Variants in CNTN3 observed in about 807,000 individuals in gnomAD.
CNTN3 encodes contactin-3.
CNTN3 carries 60 observed loss-of-function variants against 119.1 expected under a neutral mutation model. The ratio of observed to expected loss-of-function variants is 0.50; its 90% CI spans 0.41 to 0.62. CNTN3 has a LOEUF of 0.62. Ranked by LOEUF, CNTN3 falls within the 20% of genes least tolerant of loss-of-function variation. The probability of loss-of-function intolerance (pLI) is 0.00; values close to 1 mark genes in which losing one functional copy is unlikely to be tolerated. For synonymous variants in CNTN3, 450 were observed against 438.7 expected, an observed-to-expected ratio of 1.03 and a Z score of -0.32; for missense variants, 1,101 against 1,242.4, an observed-to-expected ratio of 0.89 and a Z score of 1.71.
At chr3:74,437,616 C>A (rs1701890931) in intron 4 of CNTN3, among the ~76,000 whole-genome samples, 1 of 152,066 alleles carries the variant, frequency 6.6e-6, no homozygotes, top group Admixed American at 6.5e-5. Context: ...AAAACACGAA[C>A]AATTACTACA....
chr3:74,581,200 ATAATGGGACTGTGTATT>A (rs1426225602), intron 1 of CNTN3, among the ~76,000 whole-genome samples: 1 of 152,208 alleles, frequency 6.6e-6, no homozygotes, highest in Non-Finnish European at 1.5e-5. Context: ...ACTGTCACAC[ATAATGGGACTGTGTATT>A]TAAAAAAAAC....
intron 1 of CNTN3, among the ~76,000 whole-genome samples, chr3:74,549,903 T>A (rs773961421): frequency 3.3e-5 from 5 of 152,204 alleles, no homozygotes; most frequent in Non-Finnish European, 7.3e-5. Context: ...AACAGGCACA[T>A]GCCATCTGCA....
chr3:74,520,513 TTTGTAA>T (rs1703525866), intron 2 of CNTN3, among the ~76,000 whole-genome samples: 1 of 151,414 alleles, frequency 6.6e-6, no homozygotes, highest in Non-Finnish European at 1.5e-5. Context: ...CAACAAATGA[TTTGTAA>T]TAGTTGCTTT....
intron 1 of CNTN3, among the ~76,000 whole-genome samples, chr3:74,586,902 C>T (rs6792306): frequency 0.15 from 22,571 of 151,718 alleles, 3,728 homozygotes; most frequent in African/African-American, 0.4. Flanking sequence ...TAGGGAACAC[C>T]GAGGTATCTG....
chr3:74,495,100 G>A (rs1274942046), intron 3 of CNTN3, among the ~76,000 whole-genome samples: 2 of 152,006 alleles, frequency 1.3e-5, no homozygotes, highest in Non-Finnish European at 2.9e-5. Context: ...ACTCTCAAAT[G>A]TGGCTGATTG....
chr3:74,431,175 C>T (rs1701777380), intron 4 of CNTN3, among the ~76,000 whole-genome samples: 1 of 152,182 alleles, frequency 6.6e-6, no homozygotes, highest in African/African-American at 2.4e-5. Flanking sequence ...AAGCTCTGCA[C>T]TTCAGGTTGA....
chr3:74,476,224 G>A (rs1447045904), intron 4 of CNTN3, among the ~76,000 whole-genome samples: 3 of 152,180 alleles, frequency 2.0e-5, no homozygotes, highest in Non-Finnish European at 4.4e-5. Context: ...AAAATGTTGA[G>A]AGGTGCACAG....
chr3:74,389,007 T>C (rs1704826800), intron 5 of CNTN3, among the ~76,000 whole-genome samples: 1 of 152,180 alleles, frequency 6.6e-6, no homozygotes, highest in South Asian at 2.1e-4. Flanking sequence ...TTTTTCAGTT[T>C]GGATTCATAC....
chr3:74,410,966 T>G (rs1701428952), intron 5 of CNTN3, among the ~76,000 whole-genome samples: 1 of 152,108 alleles, frequency 6.6e-6, no homozygotes, highest in South Asian at 2.1e-4. Flanking sequence ...TCTGAATAAA[T>G]TCAGGCAACT....
intron 4 of CNTN3, among the ~76,000 whole-genome samples, chr3:74,471,461 A>G (rs1175385357): frequency 6.6e-6 from 1 of 152,212 alleles, no homozygotes; most frequent in Non-Finnish European, 1.5e-5. Flanking sequence ...TCTATAAACA[A>G]AAGTAACCAT....
intron 5 of CNTN3, among the ~76,000 whole-genome samples, chr3:74,373,513 T>C (rs914192708): frequency 6.6e-6 from 1 of 152,148 alleles, no homozygotes; most frequent in Non-Finnish European, 1.5e-5. Context: ...TTAACCCAGT[T>C]TATACCAAAA....
At chr3:74,522,170 AT>A (rs145623049) in intron 1 of CNTN3, among the ~76,000 whole-genome samples, 5,644 of 152,002 alleles carry the variant, frequency 0.037, 128 homozygotes, top group South Asian at 0.065. Flanking sequence ...AATAATAAAA[AT>A]ATGACAACTT....
intron 2 of CNTN3, among the ~76,000 whole-genome samples, chr3:74,503,911 C>A (rs1322990767): frequency 6.6e-6 from 1 of 152,026 alleles, no homozygotes; most frequent in Non-Finnish European, 1.5e-5. Flanking sequence ...ATTTTTCCCC[C>A]CTAACACCTA....
intron 1 of CNTN3, among the ~76,000 whole-genome samples, chr3:74,558,947 C>T (rs1704110126): frequency 6.7e-6 from 1 of 149,086 alleles, no homozygotes; most frequent in South Asian, 2.1e-4. Flanking sequence ...TGTGTCACTG[C>T]ACTCCAGCCT....
intron 4 of CNTN3, among the ~76,000 whole-genome samples, chr3:74,425,472 C>A (rs770450411): frequency 6.6e-6 from 1 of 152,038 alleles, no homozygotes; most frequent in African/African-American, 2.4e-5. Context: ...TTCAGCAATA[C>A]AATATAAATA....
chr3:74,402,940 G>T (rs1050017831), intron 5 of CNTN3, among the ~76,000 whole-genome samples: 22 of 152,150 alleles, frequency 1.4e-4, no homozygotes, highest in African/African-American at 5.3e-4. Context: ...GGTGCTCTGA[G>T]TTCTGGGAGG....
At chr3:74,353,392 A>G (rs757811740) in intron 11 of CNTN3, among the ~76,000 whole-genome samples, 8 of 152,212 alleles carry the variant, frequency 5.3e-5, no homozygotes, top group Non-Finnish European at 8.8e-5. Flanking sequence ...GCATTTCTTG[A>G]GCTTTTAAAC....
At chr3:74,416,709 T>C (rs1262802961) in intron 5 of CNTN3, among the ~76,000 whole-genome samples, 1 of 152,110 alleles carries the variant, frequency 6.6e-6, no homozygotes, top group Non-Finnish European at 1.5e-5. Context: ...ACTGACCAGC[T>C]GGGCGCAGTG....
intron 1 of CNTN3, among the ~76,000 whole-genome samples, chr3:74,585,902 T>C (rs149759162): frequency 5.1e-4 from 77 of 152,268 alleles, no homozygotes; most frequent in Non-Finnish European, 2.9e-4. Flanking sequence ...CAAATGAGAA[T>C]TGCATTCTTT....
Sources: allele counts gnomAD v4.1 joint callset (sites outside exome capture counted in the v4.1 genomes callset), GRCh38; gene constraint gnomAD v4.1.1; transcripts MANE v1.5; gene names NCBI Gene and HGNC (gene_info 2026-07-23, HGNC 2026-07-21).